The following AFG3L2 variants were observed in gnomAD, a reference collection of about 807,000 sequenced individuals.
AFG3L2 encodes mitochondrial inner membrane m-AAA protease component AFG3L2.
AFG3L2 carries 54 observed loss-of-function variants against 94.5 expected under a neutral mutation model. The ratio of observed to expected loss-of-function variants is 0.57; its 90% confidence interval spans 0.46 to 0.72. The LOEUF is 0.72. Ranked by LOEUF, AFG3L2 falls within the 30% of genes least tolerant of loss-of-function variation. The probability of loss-of-function intolerance (pLI) is 0.00; values close to 1 mark genes in which losing one functional copy is unlikely to be tolerated. For synonymous variants in AFG3L2, 377 were observed against 365.5 expected, an observed-to-expected ratio of 1.03 and a Z score of -0.36; for missense variants, 754 against 994.9, an observed-to-expected ratio of 0.76 and a Z score of 3.26.
At chr18:12,344,705 T>A (rs552048404) in intron 13 of AFG3L2, among the ~76,000 whole-genome samples, 6 of 151,802 alleles carry the variant, frequency 4.0e-5, no homozygotes, top group South Asian at 2.1e-4. Context: ...AAGTTAAAAA[T>A]TTTTTTAAAA....
intron 5 of AFG3L2, among the ~76,000 whole-genome samples, chr18:12,366,316 C>A (rs922968759): frequency 1.6e-4 from 25 of 152,210 alleles, no homozygotes; most frequent in Non-Finnish European, 5.9e-5. Context: ...ATGTGTCTTA[C>A]AATCAATAGC....
In AFG3L2 at chr18:12,336,418, T is replaced by G. The variant is rs188062317; in HGVS notation, c.2175+923A>C. ...ACTCAGCACAGGAGGATAGCTTCCATGCCCTATGATTTCACCTCTGCCCCA... is the reference window on the plus strand; with the variant it reads ...ACTCAGCACAGGAGGATAGCTTCCAGGCCCTATGATTTCACCTCTGCCCCA... On this transcript the variant is annotated intron_variant, in intron 16 of 16. Coordinates refer to ENST00000269143, the MANE Select transcript of AFG3L2 (RefSeq NM_006796.3). Among the ~76,000 whole-genome samples the G allele has an allele frequency of 4.6e-5, 7 of 152,336 alleles. No individual in the cohort carries two copies. The East Asian group carries it at 1.2e-3, about 25-fold the overall frequency.
At chr18:12,367,179 G>A in intron 4 of AFG3L2, 62 bp from the exon 5 acceptor site, 2 of 1,612,790 alleles carry the variant, frequency 1.2e-6, no homozygotes, top group Non-Finnish European at 1.7e-6. Context: ...TCTATGCTCT[G>A]TGAGACACAA....
chr18:12,365,497 C>T (rs999482132), intron 5 of AFG3L2, among the ~76,000 whole-genome samples: 2 of 152,156 alleles, frequency 1.3e-5, no homozygotes, highest in South Asian at 2.1e-4. Flanking sequence ...TAAGGAAGCA[C>T]CAGGAACCCA....
intron 8 of AFG3L2, among the ~76,000 whole-genome samples, chr18:12,357,196 T>C (rs1290258719): frequency 6.6e-6 from 1 of 152,236 alleles, no homozygotes; most frequent in Non-Finnish European, 1.5e-5. Context: ...ACCACACTCC[T>C]GATTTATGTA....
intron 9 of AFG3L2, among the ~76,000 whole-genome samples, chr18:12,355,002 G>T (rs1261306063): frequency 6.6e-6 from 1 of 152,126 alleles, no homozygotes; most frequent in Non-Finnish European, 1.5e-5. Flanking sequence ...TGCATCACCT[G>T]AAGTGAGGAG....
chr18:12,349,906 C>T (rs1908260082), intron 12 of AFG3L2, among the ~76,000 whole-genome samples: 1 of 152,026 alleles, frequency 6.6e-6, no homozygotes, highest in South Asian at 2.1e-4. Flanking sequence ...AGGTGATCCA[C>T]CTGCCTTGGT....
At chr18:12,339,193 A>G (rs1907854150) in intron 15 of AFG3L2, among the ~76,000 whole-genome samples, 1 of 137,142 alleles carries the variant, frequency 7.3e-6, no homozygotes, top group Non-Finnish European at 1.5e-5. Flanking sequence ...GTGTGCCCAG[A>G]TGGCGCCACT....
At position 12,332,256 on chromosome 18, in the gene AFG3L2, T is replaced by C. The variant is rs1175714297; in HGVS notation, c.2176-2473A>G. On this transcript the variant is annotated intron_variant, in intron 16 of 16. Transcript: ENST00000269143. ...CTCCTGCCTCAGCCTCCCCAGTAGT[T>C]GGGATTACAGGCGTCCACCACCACG... is the stretch of plus-strand genomic sequence containing the variant. Among the ~76,000 whole-genome samples the C allele has an allele frequency of 2.6e-5, 4 of 151,996 alleles. No individual in the cohort carries two copies. The East Asian group carries it at 7.7e-4, about 29-fold the overall frequency.
intron 6 of AFG3L2, among the ~76,000 whole-genome samples, chr18:12,363,101 A>G (rs1228252137): frequency 6.6e-6 from 1 of 152,204 alleles, no homozygotes; most frequent in Non-Finnish European, 1.5e-5. Flanking sequence ...AAACAGAGAG[A>G]TATGGTCACC....
In AFG3L2 at chr18:12,377,176, G is replaced by A. The variant is rs959806578; in HGVS notation, c.-94C>T. On this transcript the variant is annotated 5_prime_UTR_variant, in exon 1 of 17. Transcript: ENST00000269143. ...GGGAAGCGGGCTCGGCTCGGGGAAA[G>A]GCCGCCAGGCAGCGAAGCGCGCCGG... 18 of 1,003,194 alleles carry A rather than the reference G, an allele frequency of 1.8e-5. 1 individual carries two copies. Among genetic ancestry groups the A allele is most frequent in the African/African-American group, 1.7e-4 (10 of 58,326 alleles). The allele number at this position is 1,003,194 out of a possible 1,614,324, so 62.1% of individuals were successfully genotyped here.
intron 9 of AFG3L2, 91 bp downstream of exon 9, chr18:12,356,602 TA>T (rs1908503011): frequency 6.3e-7 from 1 of 1,577,978 alleles, no homozygotes; most frequent in Non-Finnish European, 8.7e-7. Flanking sequence ...TCTAGCACTC[TA>T]GGGGGAAGGG....
intron 16 of AFG3L2, 108 bp downstream of exon 16, chr18:12,337,233 C>G: frequency 3.0e-6 from 3 of 985,856 alleles, no homozygotes; most frequent in Non-Finnish European, 4.9e-6. Flanking sequence ...ATGGGTGAGC[C>G]AGAGAGAGGG....
At chr18:12,353,883 G>A (rs1428733576) in intron 9 of AFG3L2, among the ~76,000 whole-genome samples, 2 of 152,128 alleles carry the variant, frequency 1.3e-5, no homozygotes, top group Admixed American at 1.3e-4. Context: ...AACAAGCTGA[G>A]GCTACTAAGG....
chr18:12,364,273 T>A (rs182655769), intron 5 of AFG3L2, among the ~76,000 whole-genome samples: 15 of 152,342 alleles, frequency 9.8e-5, no homozygotes, highest in African/African-American at 3.6e-4. Context: ...CGCCATGCTA[T>A]GACCACACCC....
rs970895997 is a variant in AFG3L2 at position 12,357,974 on chromosome 18, T to C, written c.1026+696A>G. On this transcript the variant is annotated intron_variant, in intron 8 of 16. Coordinates refer to ENST00000269143, the MANE Select transcript of AFG3L2 (RefSeq NM_006796.3). ...GGGTACTAAGTAAGTTATAAATTCA[T>C]AAAATATGACTTTTTATCTATAGAA... 1.3e-5 allele frequency among the ~76,000 whole-genome samples: 2 copies of C among 151,648 alleles called. 1 individual carries two copies. Among genetic ancestry groups the C allele is most frequent in the South Asian group, 4.2e-4 (2 of 4,786 alleles).
chr18:12,351,238 A>T (rs745808937), intron 11 of AFG3L2, 28 bp from the exon 12 acceptor site: 10 of 1,613,982 alleles, frequency 6.2e-6, no homozygotes, highest in Non-Finnish European at 7.6e-6. Context: ...AAGGAAAAGA[A>T]AATCATATTG....
At chr18:12,364,419 G>A (rs1204114864) in intron 5 of AFG3L2, among the ~76,000 whole-genome samples, 1 of 152,158 alleles carries the variant, frequency 6.6e-6, no homozygotes, top group Non-Finnish European at 1.5e-5. Context: ...CACACCTGTA[G>A]ATAGACACAC....
intron 15 of AFG3L2, among the ~76,000 whole-genome samples, chr18:12,339,888 C>T (rs1451538944): frequency 4.7e-5 from 7 of 149,294 alleles, no homozygotes; most frequent in Admixed American, 2.7e-4. Flanking sequence ...CATGTGGTGG[C>T]GCATGCCTGT....
Sources: allele counts gnomAD v4.1 joint callset (sites outside exome capture counted in the v4.1 genomes callset), GRCh38; gene constraint gnomAD v4.1.1; transcripts MANE v1.5; gene names NCBI Gene and HGNC (gene_info 2026-07-23, HGNC 2026-07-21).